DNAH6: variants seen among roughly 807,000 people sequenced by gnomAD.
DNAH6 encodes dynein axonemal heavy chain 6.
Under a neutral mutation model 491.4 loss-of-function variants are expected in DNAH6, and 340 were observed. The ratio of observed to expected loss-of-function variants is 0.69; its 90% CI spans 0.63 to 0.76. The LOEUF (loss-of-function observed/expected upper bound fraction) is 0.76, where lower values mean the gene tolerates loss of function less well. DNAH6 is among the 30% of genes least tolerant of loss of function. DNAH6 has a pLI of 0.00. For missense variants in DNAH6, 4,443 were observed against 4,972.2 expected (o/e 0.89, Z 3.20); for synonymous variants, 1,603 against 1,686.1 (o/e 0.95, Z 1.21).
chr2:84,807,769 G>A (rs1056364136), intron 71 of DNAH6, among the ~76,000 whole-genome samples: 4 of 152,078 alleles, frequency 2.6e-5, no homozygotes, highest in Non-Finnish European at 1.5e-5. Flanking sequence ...ATGCCCTCCT[G>A]CCAACCCCCT....
intron 9 of DNAH6, among the ~76,000 whole-genome samples, chr2:84,550,801 G>A (rs988559242): frequency 2.6e-5 from 4 of 152,162 alleles, no homozygotes; most frequent in African/African-American, 9.7e-5. Flanking sequence ...AACTGGCAGA[G>A]AGAAGCAGGA....
chr2:84,592,629 C>T (rs1684219904), intron 16 of DNAH6, among the ~76,000 whole-genome samples: 1 of 152,156 alleles, frequency 6.6e-6, no homozygotes, highest in African/African-American at 2.4e-5. Context: ...TATATTTGCA[C>T]TCCCGTGTTC....
chr2:84,529,015 A>C lies in DNAH6; in HGVS notation c.511A>C (p.Thr171Pro). 1 of 1,551,454 alleles carries C rather than the reference A, an allele frequency of 6.4e-7. No individual in the cohort carries two copies. Among genetic ancestry groups the C allele is most frequent in the South Asian group, 1.2e-5 (1 of 84,048 alleles). Reference protein sequence around the residue: ...GTRSSAYPKYTFHDREEVVKA... With the variant: ...GTRSSAYPKYPFHDREEVVKA... ...TAGATCTTCAGCTTACCCTAAGTACACTTTTCACGACCGAGAAGAAGTTGT... is the reference window on the plus strand; with the variant it reads ...TAGATCTTCAGCTTACCCTAAGTACCCTTTTCACGACCGAGAAGAAGTTGT... Residue 171 changes from threonine to proline, a missense_variant, in exon 4 of 77, where the codon ACT becomes CCT. Around this residue, in one of 3 missense-constraint regions of DNAH6, gnomAD observed 2,977 missense variants for 3,296.6 expected, o/e 0.90. Coordinates refer to ENST00000389394, the MANE Select transcript of DNAH6 (RefSeq NM_001370.2).
chr2:84,585,631 G>T (rs772816089), intron 15 of DNAH6, among the ~76,000 whole-genome samples: 10 of 152,046 alleles, frequency 6.6e-5, no homozygotes, highest in African/African-American at 2.2e-4. Flanking sequence ...GCTCCCCTCT[G>T]CAGCTGGTTT....
chr2:84,594,035 C>T lies in DNAH6; in HGVS notation c.2674C>T (p.Leu892Phe). ...VSAELKLKQL[L>F]WDSFSEWDKL... ...TGCTGAACTGAAGCTCAAACAATTG[C>T]TCTGGGATTCTTTCTCTGAATGGGA... The change falls in exon 17 of 77, where the codon CTC (leucine) becomes TTC (phenylalanine). Residue 892 changes from leucine (L) to phenylalanine (F), a missense_variant. By Grantham distance (22) the Leu-to-Phe change is conservative. Transcript: ENST00000389394. The T allele has an allele frequency of 4.5e-6, 7 of 1,550,770 alleles. No homozygotes were observed. Among genetic ancestry groups the T allele is most frequent in the Non-Finnish European group, 6.1e-6 (7 of 1,146,424 alleles).
chr2:84,511,460 G>A (rs2104380880), upstream of DNAH6, among the ~76,000 whole-genome samples: 1 of 152,274 alleles, frequency 6.6e-6, no homozygotes, highest in Admixed American at 6.5e-5. Flanking sequence ...AATTTTCCAG[G>A]TGCCGTCCAT....
At chr2:84,779,504 C>G (rs1185446197) in intron 64 of DNAH6, among the ~76,000 whole-genome samples, 2 of 152,190 alleles carry the variant, frequency 1.3e-5, no homozygotes, top group Non-Finnish European at 2.9e-5. Context: ...TCTTTCTCCA[C>G]CCCTTTACTT....
intron 64 of DNAH6, among the ~76,000 whole-genome samples, chr2:84,771,057 G>A (rs1338259557): frequency 6.6e-6 from 1 of 152,094 alleles, no homozygotes; most frequent in Non-Finnish European, 1.5e-5. Flanking sequence ...GGGAGGCCAA[G>A]GTAGGTGGAT....
intron 29 of DNAH6, among the ~76,000 whole-genome samples, chr2:84,627,565 G>C (rs10210247): frequency 4.6e-5 from 7 of 152,110 alleles, no homozygotes; most frequent in African/African-American, 1.2e-4. Flanking sequence ...CTTCCTCTCT[G>C]TCTGTGGCAG....
rs1443789972 is a variant in DNAH6, at chr2:84,617,574, C to T, written c.3572+592C>T. Among the ~76,000 whole-genome samples, 3 of 151,926 alleles carry T rather than the reference C, an allele frequency of 2.0e-5. No homozygotes were observed. In the East Asian group the frequency reaches 5.8e-4, roughly 29 times the overall value. ...CACTACCCTTCCCAGCCTCTGGTAACCATCCTTCTCCTCTCTATCTCCATG... is the reference window on the plus strand; with the variant it reads ...CACTACCCTTCCCAGCCTCTGGTAATCATCCTTCTCCTCTCTATCTCCATG... On this transcript the variant is annotated intron_variant, in intron 23 of 76. Transcript: ENST00000389394.
chr2:84,779,810 C>T (rs1676506273), intron 64 of DNAH6, among the ~76,000 whole-genome samples: 1 of 152,028 alleles, frequency 6.6e-6, no homozygotes, highest in Non-Finnish European at 1.5e-5. Flanking sequence ...TTTTATGAAT[C>T]TTTTGTAACG....
At chr2:84,760,714 G>A (rs973242361) in intron 63 of DNAH6, among the ~76,000 whole-genome samples, 2 of 152,142 alleles carry the variant, frequency 1.3e-5, no homozygotes, top group Non-Finnish European at 2.9e-5. Context: ...TTGTGGGAAT[G>A]TAAATTAGTG....
the DNAH6 span, among the ~76,000 whole-genome samples, chr2:84,510,338 C>T: frequency 6.6e-6 from 1 of 152,232 alleles, no homozygotes; most frequent in Non-Finnish European, 1.5e-5. Context: ...TCTTCCATCA[C>T]TGATACCCTT....
At chr2:84,540,162 G>C (rs1466827323) in intron 4 of DNAH6, among the ~76,000 whole-genome samples, 1 of 152,126 alleles carries the variant, frequency 6.6e-6, no homozygotes, top group South Asian at 2.1e-4. Flanking sequence ...TCAGAAATTT[G>C]AAAGAAGCAG....
chr2:84,676,303 C>CT (rs1553463367), intron 40 of DNAH6, among the ~76,000 whole-genome samples: 1 of 152,190 alleles, frequency 6.6e-6, no homozygotes, highest in Non-Finnish European at 1.5e-5. Flanking sequence ...TGAGACCACA[C>CT]TTTCACATTT....
At chr2:84,499,716 T>A in the DNAH6 span, among the ~76,000 whole-genome samples, 18 of 152,372 alleles carry the variant, frequency 1.2e-4, no homozygotes, top group African/African-American at 3.6e-4. Context: ...TGCCTATCTT[T>A]GGGATATAAG....
In DNAH6 at chr2:84,637,393, T is replaced by C; in HGVS notation, c.4821+16T>C. ...GATTGCAGAGGTGAGCATCACATTATAAAGCAGCAGAAATGTAAACTTCTT... is the reference window on the plus strand; with the variant it reads ...GATTGCAGAGGTGAGCATCACATTACAAAGCAGCAGAAATGTAAACTTCTT... On this transcript the variant is annotated intron_variant, in intron 31 of 76. Transcript: ENST00000389394. The C allele has an allele frequency of 6.6e-7, 1 of 1,508,406 alleles. No individual in the cohort carries two copies. Among genetic ancestry groups the C allele is most frequent in the East Asian group, 2.5e-5 (1 of 40,084 alleles). The allele number at this position is 1,508,406 out of a possible 1,614,324, so 93.4% of individuals were successfully genotyped here.
intron 60 of DNAH6, among the ~76,000 whole-genome samples, chr2:84,726,422 C>A (rs1698636803): frequency 1.3e-5 from 2 of 152,184 alleles, no homozygotes; most frequent in South Asian, 4.1e-4. Context: ...TGGAAGGCCA[C>A]ACATTCAGGC....
Position 84,584,130 on chromosome 2 carries a change from G to T in DNAH6, c.2361G>T (p.Arg787=). The change falls in exon 15 of 77, where the codon CGG becomes CGT. Residue 787 remains arginine, a synonymous_variant. Coordinates refer to ENST00000389394, the MANE Select transcript of DNAH6 (RefSeq NM_001370.2). The part of the protein sequence containing the change: ...ATMKPSIVAV[R]NAIDKSVGDR... ...TGAAGCCATCCATTGTTGCTGTTCG[G>T]AATGCCATTGATAAATCAGTGGGTG... is the stretch of plus-strand genomic sequence containing the variant. 1 of 1,614,166 alleles carries T rather than the reference G, an allele frequency of 6.2e-7. No homozygotes were observed. The highest frequency in any genetic ancestry group is 8.5e-7 in the Non-Finnish European group (1 of 1,180,034).
Sources: gnomAD v4.1 joint callset for allele counts (sites outside exome capture counted in the v4.1 genomes callset) on GRCh38, gnomAD v4.1.1 for gene constraint, gnomAD v4.1.1 regional missense constraint, MANE v1.5 for transcripts, NCBI Gene and HGNC (gene_info 2026-07-23, HGNC 2026-07-21) for gene names.